The following ANKHD1 variants were observed in gnomAD, a reference collection of about 807,000 sequenced individuals.
ANKHD1 encodes the protein ankyrin repeat and KH domain containing 1, also known as ankyrin repeat and KH domain-containing protein 1.
ANKHD1 carries 31 observed loss-of-function variants against 230.5 expected under a neutral mutation model. The ratio of observed to expected loss-of-function variants is 0.13; its 90% CI spans 0.10 to 0.18. The LOEUF (loss-of-function observed/expected upper bound fraction) is 0.18, where lower values mean the gene tolerates loss of function less well. ANKHD1 is among the 10% of genes least tolerant of loss of function. The probability of loss-of-function intolerance (pLI) is 1.00; values close to 1 mark genes in which losing one functional copy is unlikely to be tolerated. For missense variants in ANKHD1, 2,256 were observed against 3,071.3 expected, an observed-to-expected ratio of 0.73 and a Z score of 6.27; for synonymous variants, 1,074 against 1,117.6, an observed-to-expected ratio of 0.96 and a Z score of 0.78.
rs1461215723 is a variant in ANKHD1 at position 140,506,560 on chromosome 5, C to T, written c.3409-275C>T. Among the ~76,000 whole-genome samples, 1 of 152,162 alleles carries T rather than the reference C, an allele frequency of 6.6e-6. No individual in the cohort carries two copies. The highest frequency in any genetic ancestry group is 2.4e-5 in the African/African-American group (1 of 41,432). ...CGGATTGAATGAATCACAATTCTAA[C>T]ACATATGAAGTGCAAATTTATTGCC... On this transcript the variant is annotated intron_variant, in intron 18 of 33. Transcript: ENST00000360839. This position sits in a 1 kb window ranked among gnomAD's most constrained non-coding sequence, Gnocchi z 4.7.
At chr5:140,421,507 G>A (rs1057145582) in intron 1 of ANKHD1, among the ~76,000 whole-genome samples, 2 of 151,970 alleles carry the variant, frequency 1.3e-5, no homozygotes, top group African/African-American at 4.8e-5. Flanking sequence ...CACCATGTTA[G>A]CCAGATTGCT....
chr5:140,464,926 T>G, intron 10 of ANKHD1, 150 bp downstream of exon 10: 1 of 697,726 alleles, frequency 1.4e-6, no homozygotes, highest in Non-Finnish European at 2.1e-6. Flanking sequence ...GTTGTATGTA[T>G]TAAATGTATT....
rs180711745 is a variant in ANKHD1, at chr5:140,481,742, G to A, written c.1783-838G>A. ...TTAACGTAACCACCAGTCTTTATCA[G>A]TTTTTTCTTAGTAATAAAAGAGAAC... On this transcript the variant is annotated intron_variant, in intron 10 of 33. Transcript: ENST00000360839. Among the ~76,000 whole-genome samples, 404 of 152,092 alleles carry A rather than the reference G, an allele frequency of 2.7e-3. 6 individuals carry two copies. Among genetic ancestry groups the A allele is most frequent in the Admixed American group, 9.2e-3 (141 of 15,284 alleles).
rs536643963 is a variant in ANKHD1 at position 140,459,378 on chromosome 5, A to T, written c.1672+23A>T. The T allele has an allele frequency of 3.0e-5, 45 of 1,522,798 alleles. No individual in the cohort carries two copies. In the East Asian group the frequency reaches 9.3e-4, roughly 32 times the overall value. 94.3% of individuals were successfully genotyped at this position (1,522,798 alleles called of 1,614,324 possible). On this transcript the variant is annotated intron_variant, in intron 9 of 33. Coordinates refer to ENST00000360839, the MANE Select transcript of ANKHD1 (RefSeq NM_017747.3). ...CTGGTATGTGGCTTTAAGATGCCTTATTGCTCAGAAAGACAAATACAAATA... is the reference window on the plus strand; with the variant it reads ...CTGGTATGTGGCTTTAAGATGCCTTTTTGCTCAGAAAGACAAATACAAATA...
chr5:140,534,335 T>C (rs1753979157), intron 29 of ANKHD1, among the ~76,000 whole-genome samples: 2 of 149,376 alleles, frequency 1.3e-5, no homozygotes, highest in Non-Finnish European at 1.5e-5. Context: ...GAGCTTGCAG[T>C]GAGCTGAGAT....
chr5:140,436,694 C>T (rs959071735), intron 2 of ANKHD1, among the ~76,000 whole-genome samples: 5 of 149,836 alleles, frequency 3.3e-5, no homozygotes, highest in Non-Finnish European at 7.4e-5. Flanking sequence ...TTCAGTGAGC[C>T]GAGATCATGC....
chr5:140,500,938 A>T (rs1752273442), intron 15 of ANKHD1, among the ~76,000 whole-genome samples: 1 of 152,082 alleles, frequency 6.6e-6, no homozygotes, highest in Non-Finnish European at 1.5e-5. Context: ...TGCCATCTTA[A>T]CAGGCTCTTA....
At chr5:140,514,690 G>T (rs572416868) in intron 24 of ANKHD1, among the ~76,000 whole-genome samples, 1 of 152,276 alleles carries the variant, frequency 6.6e-6, no homozygotes, top group Non-Finnish European at 1.5e-5. Flanking sequence ...CCAATTTACG[G>T]CTGGGAGCGG....
chr5:140,475,911 A>G (rs1750940648), intron 10 of ANKHD1, among the ~76,000 whole-genome samples: 1 of 152,240 alleles, frequency 6.6e-6, no homozygotes. Flanking sequence ...ATGTAAACAA[A>G]CAAAAAGCAA....
chr5:140,453,830 G>A (rs570775799), intron 7 of ANKHD1, among the ~76,000 whole-genome samples: 3 of 152,210 alleles, frequency 2.0e-5, no homozygotes, highest in Non-Finnish European at 4.4e-5. Flanking sequence ...ACCAGCTAAC[G>A]TCAAAATGAC....
At chr5:140,467,923 G>A (rs1348583654) in intron 10 of ANKHD1, among the ~76,000 whole-genome samples, 3 of 151,896 alleles carry the variant, frequency 2.0e-5, no homozygotes, top group Admixed American at 6.6e-5. Flanking sequence ...TCTGTTTTGG[G>A]CTATAATAAT....
intron 1 of ANKHD1, among the ~76,000 whole-genome samples, chr5:140,433,274 C>T (rs1385060577): frequency 6.6e-6 from 1 of 152,060 alleles, no homozygotes; most frequent in African/African-American, 2.4e-5. Context: ...CCATGTTGGC[C>T]AGGCTAGTCT....
At chr5:140,450,891 G>A (rs578005017) in intron 7 of ANKHD1, among the ~76,000 whole-genome samples, 2 of 152,158 alleles carry the variant, frequency 1.3e-5, no homozygotes, top group South Asian at 2.1e-4. Context: ...GGTGGCTCAT[G>A]CCTGTAATCC....
At chr5:140,469,629 A>G (rs962786981) in intron 10 of ANKHD1, among the ~76,000 whole-genome samples, 4 of 152,164 alleles carry the variant, frequency 2.6e-5, no homozygotes, top group African/African-American at 9.6e-5. Flanking sequence ...GTATGTGAAG[A>G]CACCATTTAC....
intron 7 of ANKHD1, among the ~76,000 whole-genome samples, chr5:140,454,757 A>G (rs1775029568): frequency 6.6e-6 from 1 of 152,200 alleles, no homozygotes; most frequent in Non-Finnish European, 1.5e-5. Context: ...ACAAGAGAAA[A>G]CAGGAAAGAT....
chr5:140,443,487 G>A (rs971957042), intron 5 of ANKHD1, among the ~76,000 whole-genome samples: 10 of 151,692 alleles, frequency 6.6e-5, no homozygotes, highest in African/African-American at 1.9e-4. Context: ...TCAGGAGATC[G>A]AGACTATCCT....
chr5:140,533,074 G>A (rs183790828), intron 29 of ANKHD1, among the ~76,000 whole-genome samples: 1 of 149,738 alleles, frequency 6.7e-6, no homozygotes, highest in Admixed American at 6.6e-5. Context: ...CTCAGCCTGG[G>A]TAATAGAGCA....
At chr5:140,470,449 C>T (rs971214845) in intron 10 of ANKHD1, among the ~76,000 whole-genome samples, 1 of 150,640 alleles carries the variant, frequency 6.6e-6, no homozygotes. Context: ...ATTCTGTTAA[C>T]GTCCTTCAAG....
chr5:140,537,783 C>T, intron 31 of ANKHD1, 194 bp downstream of exon 31: 1 of 970,062 alleles, frequency 1.0e-6, no homozygotes, highest in Non-Finnish European at 1.4e-6. Flanking sequence ...TGAGGTAATA[C>T]ATAGAGTTAA....
Sources: allele counts gnomAD v4.1 joint callset (sites outside exome capture counted in the v4.1 genomes callset), GRCh38; gene constraint gnomAD v4.1.1; non-coding constraint Gnocchi (gnomAD v3.1); transcripts MANE v1.5; gene names NCBI Gene and HGNC (gene_info 2026-07-23, HGNC 2026-07-21).